Variants in MMP28 observed in about 807,000 individuals in gnomAD.
MMP28 encodes the protein matrix metallopeptidase 28, also known as matrix metalloproteinase-28.
A neutral mutation model predicts 60.5 loss-of-function variants in MMP28; 55 were observed. The ratio of observed to expected loss-of-function variants is 0.91; its 90% CI spans 0.73 to 1.14. The LOEUF (loss-of-function observed/expected upper bound fraction) is 1.14. Ranked by LOEUF, MMP28 falls within the 50% of genes most tolerant of loss-of-function variation. The pLI, the probability that MMP28 is intolerant of heterozygous loss-of-function variation, is 0.00. For synonymous variants in MMP28, 318 were observed against 312.5 expected, an observed-to-expected ratio of 1.02 and a Z score of -0.18; for missense variants, 686 against 738.3, an observed-to-expected ratio of 0.93 and a Z score of 0.82.
At chr17:35,775,024 G>C (rs2086284758) in intron 3 of MMP28, among the ~76,000 whole-genome samples, 2 of 152,138 alleles carry the variant, frequency 1.3e-5, no homozygotes, top group South Asian at 4.1e-4. Flanking sequence ...TGCAGCTAGT[G>C]GGGTCCCTCA....
rs2143680748 is a variant in MMP28, at chr17:35,795,598, T to TGCCTGCCCGCGGGTCC, written c.-237_-222dup. On this transcript the variant is annotated 5_prime_UTR_variant, in exon 1 of 8. Transcript: ENST00000605424. ...GCCAGACGTCGTCCAGCCCGGGCAG[T>TGCCTGCCCGCGGGTCC]GCCTGCCCGCGGGTCCGCCGGCCCC... is the stretch of plus-strand genomic sequence containing the variant. 2.7e-6 allele frequency: 1 copy of TGCCTGCCCGCGGGTCC among 372,788 alleles called. No individual in the cohort carries two copies. Among genetic ancestry groups the TGCCTGCCCGCGGGTCC allele is most frequent in the East Asian group, 3.8e-5 (1 of 26,052 alleles). 23.1% of individuals were successfully genotyped at this position (372,788 alleles called of 1,614,324 possible).
At chr17:35,756,276 C>G (rs1555600468) in exon 3 of MMP28, 1 of 402,294 alleles carries the variant, frequency 2.5e-6, no homozygotes, top group Non-Finnish European at 3.4e-6. Flanking sequence ...TTATTTCCCT[C>G]TCTTAGAGAC....
intron 1 of MMP28, among the ~76,000 whole-genome samples, chr17:35,781,350 T>C (rs2143473018): frequency 6.6e-6 from 1 of 152,240 alleles, no homozygotes; most frequent in South Asian, 2.1e-4. Context: ...AAGATTACCT[T>C]GGAGATTTCA....
intron 3 of MMP28, among the ~76,000 whole-genome samples, chr17:35,773,875 G>GC (rs912566119): frequency 6.6e-6 from 1 of 152,086 alleles, no homozygotes; most frequent in African/African-American, 2.4e-5. Flanking sequence ...GACTCCCCCT[G>GC]CCCCCCACCA....
At chr17:35,765,699 G>A (rs1423170614), downstream of MMP28, among the ~76,000 whole-genome samples, 6 of 152,196 alleles carry the variant, frequency 3.9e-5, no homozygotes, top group Non-Finnish European at 8.8e-5. Flanking sequence ...AGGACATTTT[G>A]CTTTTTGAGG....
intron 3 of MMP28, among the ~76,000 whole-genome samples, chr17:35,777,702 C>CA (rs2086374039): frequency 6.6e-6 from 1 of 152,214 alleles, no homozygotes; most frequent in Admixed American, 6.5e-5. Context: ...TTGAAAGCTG[C>CA]AAAAATTGAG....
Position 35,773,456 on chromosome 17 carries a change from G to A in MMP28, c.380-52C>T, listed in dbSNP as rs116794229. 1,468 of 1,482,992 alleles carry A rather than the reference G, an allele frequency of 9.9e-4. 15 individuals are homozygous for A. The African/African-American group carries it at 0.018, about 18-fold the overall frequency. 91.9% of individuals were successfully genotyped at this position (1,482,992 alleles called of 1,614,324 possible). A position where few individuals can be genotyped will look rare whatever the true frequency, so the allele number is the denominator to read the frequency against. ...CACACCTGCTGCAGAGCCCGAGTCT[G>A]GTCCCCACAGACCCAGTAGGATGGC... On this transcript the variant is annotated intron_variant, in intron 3 of 7. Coordinates refer to ENST00000605424, the MANE Select transcript of MMP28 (RefSeq NM_024302.5).
downstream of MMP28, chr17:35,764,171 G>A: frequency 6.5e-7 from 1 of 1,548,564 alleles, no homozygotes; most frequent in Non-Finnish European, 8.7e-7. Context: ...AGCGGAGGAG[G>A]GCGAAGGCCG....
At chr17:35,762,020 T>C (rs1239229866), downstream of MMP28, among the ~76,000 whole-genome samples, 1 of 152,182 alleles carries the variant, frequency 6.6e-6, no homozygotes, top group Non-Finnish European at 1.5e-5. Context: ...GACGGAGTTT[T>C]GCTCTTGTTG....
intron 3 of MMP28, among the ~76,000 whole-genome samples, chr17:35,774,353 A>C (rs1189809087): frequency 6.6e-6 from 1 of 152,158 alleles, no homozygotes; most frequent in Non-Finnish European, 1.5e-5. Context: ...GCTTGGAGGC[A>C]GGACTCTTGG....
chr17:35,760,114 C>G (rs1392429221), intron 2 of MMP28, among the ~76,000 whole-genome samples: 1 of 152,146 alleles, frequency 6.6e-6, no homozygotes, highest in Non-Finnish European at 1.5e-5. Context: ...GCCCTCCACT[C>G]TCAGACTTGG....
At chr17:35,789,765 AT>A (rs748679699) in intron 1 of MMP28, among the ~76,000 whole-genome samples, 5,060 of 141,180 alleles carry the variant, frequency 0.036, 113 homozygotes, top group East Asian at 0.12. Context: ...GCAACATTTA[AT>A]TTTTTTTTTT....
Position 35,766,674 on chromosome 17 carries a change from A to C in MMP28, c.1389T>G (p.Pro463=). 6.2e-7 allele frequency: 1 copy of C among 1,609,718 alleles called. No individual in the cohort carries two copies. The highest frequency in any genetic ancestry group is 8.5e-7 in the Non-Finnish European group (1 of 1,178,214). ...PRSLQDWGGI[P]EEVSGALPRP... ...TCGGCAGGGCGCCGCTGACCTCCTC[A>C]GGGATGCCTCCCCAGTCCTGCAGAC... Residue 463 remains proline (P), a synonymous_variant, in exon 8 of 8, where the codon CCT becomes CCG. Coordinates refer to ENST00000605424, the MANE Select transcript of MMP28 (RefSeq NM_024302.5). This position sits in a 1 kb window ranked among gnomAD's most constrained non-coding sequence, Gnocchi z 4.3.
At chr17:35,776,169 C>T (rs973819255) in intron 3 of MMP28, among the ~76,000 whole-genome samples, 18 of 149,380 alleles carry the variant, frequency 1.2e-4, no homozygotes, top group Non-Finnish European at 2.1e-4. Flanking sequence ...CCACCGCGCC[C>T]AGGCTTTTTC....
intron 1 of MMP28, among the ~76,000 whole-genome samples, chr17:35,784,445 A>G (rs1555610041): frequency 6.6e-6 from 1 of 152,140 alleles, no homozygotes; most frequent in African/African-American, 2.4e-5. Flanking sequence ...CATTCTGTGG[A>G]GTGGAGGCAG....
At chr17:35,758,694 A>T (rs2085767619) in intron 2 of MMP28, among the ~76,000 whole-genome samples, 1 of 152,088 alleles carries the variant, frequency 6.6e-6, no homozygotes, top group Non-Finnish European at 1.5e-5. Flanking sequence ...TCTATCTCAA[A>T]AAATAAATAA....
chr17:35,779,006 A>C lies in MMP28; in HGVS notation c.261T>G (p.Thr87=). The part of the protein sequence containing the change: ...VLDRATLRQM[T]RPRCGVTDTN... ...TATCTGTAACCCCGCAGCGGGGACG[A>C]GTCATCTGGCGCAGGGTGGCGCGGT... Residue 87 remains threonine (T), a synonymous_variant, in exon 3 of 8, where the codon ACT becomes ACG. Coordinates refer to ENST00000605424, the MANE Select transcript of MMP28 (RefSeq NM_024302.5). The C allele has an allele frequency of 6.2e-7, 1 of 1,614,064 alleles. No homozygotes were observed. Among genetic ancestry groups the C allele is most frequent in the Non-Finnish European group, 8.5e-7 (1 of 1,179,910 alleles).
At position 35,766,424 on chromosome 17, in the gene MMP28, A is replaced by C. The variant is rs1338882530; in HGVS notation, c.*76T>G. On this transcript the variant is annotated 3_prime_UTR_variant, in exon 8 of 8. Transcript: ENST00000605424. This position sits in a 1 kb window ranked among gnomAD's most constrained non-coding sequence, Gnocchi z 4.3. ...GCAGAGGGACTCAGAGGCTTCTAAG[A>C]GGGGTTCTGCCCCGGGGGTGGGGAA... The C allele has an allele frequency of 6.9e-7, 1 of 1,453,506 alleles. No homozygotes were observed. Among genetic ancestry groups the C allele is most frequent in the Non-Finnish European group, 9.1e-7 (1 of 1,103,370 alleles). 90.0% of individuals were successfully genotyped at this position (1,453,506 alleles called of 1,614,324 possible).
intron 4 of MMP28, among the ~76,000 whole-genome samples, chr17:35,772,070 G>A (rs1293723835): frequency 6.6e-6 from 1 of 151,986 alleles, no homozygotes; most frequent in Non-Finnish European, 1.5e-5. Context: ...GGGGGTGCTA[G>A]ACTAAAAGGA....
Sources: allele counts gnomAD v4.1 joint callset (sites outside exome capture counted in the v4.1 genomes callset), GRCh38; gene constraint gnomAD v4.1.1; non-coding constraint Gnocchi (gnomAD v3.1); transcripts MANE v1.5; gene names NCBI Gene and HGNC (gene_info 2026-07-23, HGNC 2026-07-21).